Variants in OSBPL6 observed in about 807,000 individuals in gnomAD.
OSBPL6 encodes oxysterol binding protein like 6, also known as oxysterol-binding protein-related protein 6.
Under a neutral mutation model 125.8 loss-of-function variants are expected in OSBPL6, and 49 were observed. The ratio of observed to expected loss-of-function variants is 0.39; its 90% CI spans 0.31 to 0.49. OSBPL6 has a LOEUF of 0.49. OSBPL6 is among the 20% of genes least tolerant of loss of function. The probability of loss-of-function intolerance (pLI) is 0.88; values close to 1 mark genes in which losing one functional copy is unlikely to be tolerated. For synonymous variants in OSBPL6, 394 were observed against 391.8 expected, an observed-to-expected ratio of 1.01 and a Z score of -0.07; for missense variants, 986 against 1,135.4, an observed-to-expected ratio of 0.87 and a Z score of 1.89.
intron 1 of OSBPL6, among the ~76,000 whole-genome samples, chr2:178,266,745 A>G (rs10165408): frequency 3.9e-4 from 60 of 152,354 alleles, no homozygotes; most frequent in African/African-American, 1.4e-3. Flanking sequence ...AAATTATGAA[A>G]CTAAAGCAAT....
At position 178,310,301 on chromosome 2, in the gene OSBPL6, C is replaced by G. The variant is rs1016041403; in HGVS notation, c.102+4015C>G. Reference sequence around the variant, plus strand: ...AGCATTTGGATTTGTAATTTCTGATCCTGGATGTCAGTAGGTCAGTCAGTA... The same window carrying G: ...AGCATTTGGATTTGTAATTTCTGATGCTGGATGTCAGTAGGTCAGTCAGTA... On this transcript the variant is annotated intron_variant, in intron 3 of 24. Coordinates refer to ENST00000190611, the MANE Select transcript of OSBPL6 (RefSeq NM_032523.4). Among the ~76,000 whole-genome samples, 19 of 152,106 alleles carry G rather than the reference C, an allele frequency of 1.2e-4. 1 individual carries two copies. Among genetic ancestry groups the G allele is most frequent in the African/African-American group, 4.6e-4 (19 of 41,462 alleles).
At chr2:178,284,767 T>C (rs77831770) in intron 1 of OSBPL6, among the ~76,000 whole-genome samples, 160 bp from the exon 2 acceptor site, 2,027 of 152,284 alleles carry the variant, frequency 0.013, 31 homozygotes, top group East Asian at 0.067. Context: ...TACATAAAAC[T>C]GAACAAAGGA....
chr2:178,336,460 G>A, intron 9 of OSBPL6, 27 bp downstream of exon 9: 2 of 1,608,990 alleles, frequency 1.2e-6, no homozygotes, highest in Non-Finnish European at 1.7e-6. Flanking sequence ...TGTGGCCTGA[G>A]AGTAAGCCAA....
In OSBPL6 at chr2:178,315,854, A is replaced by C. The variant is rs555131677; in HGVS notation, c.103-8323A>C. Among the ~76,000 whole-genome samples, 3 of 152,260 alleles carry C rather than the reference A, an allele frequency of 2.0e-5. No individual in the cohort carries two copies. The South Asian group carries it at 6.2e-4, about 32-fold the overall frequency. ...AAGCCACCCCAGGAGACTGTTATTC[A>C]CTCAGTTTTGGAAATGATCACTTTA... is the stretch of plus-strand genomic sequence containing the variant. On this transcript the variant is annotated intron_variant, in intron 3 of 24. Transcript: ENST00000190611.
chr2:178,364,121 G>A (rs145972523), intron 13 of OSBPL6, among the ~76,000 whole-genome samples: 22 of 152,200 alleles, frequency 1.4e-4, no homozygotes, highest in African/African-American at 2.7e-4. Flanking sequence ...TGGTTAGGCC[G>A]TTGGAGAGGT....
intron 12 of OSBPL6, among the ~76,000 whole-genome samples, chr2:178,358,005 G>C (rs938578723): frequency 3.3e-5 from 5 of 152,170 alleles, no homozygotes; most frequent in African/African-American, 1.2e-4. Flanking sequence ...TACACCACCT[G>C]TTCTCACTCA....
chr2:178,301,592 C>T (rs578148157), intron 2 of OSBPL6, among the ~76,000 whole-genome samples: 52 of 152,264 alleles, frequency 3.4e-4, no homozygotes, highest in Middle Eastern at 3.4e-3. Context: ...TACTTTTAAT[C>T]TTTTCCTATA....
At chr2:178,210,594 G>T (rs1453048142) in intron 1 of OSBPL6, among the ~76,000 whole-genome samples, 1 of 151,896 alleles carries the variant, frequency 6.6e-6, no homozygotes, top group East Asian at 1.9e-4. Context: ...ATCACTTGAG[G>T]TCAGGGGTTT....
At chr2:178,255,416 C>T (rs1243707062) in intron 1 of OSBPL6, among the ~76,000 whole-genome samples, 2 of 152,236 alleles carry the variant, frequency 1.3e-5, no homozygotes, top group African/African-American at 4.8e-5. Flanking sequence ...ATCACGAGAA[C>T]AGCATGGGAA....
chr2:178,239,592 TTTTA>T (rs80019586), intron 1 of OSBPL6, among the ~76,000 whole-genome samples: 64,609 of 138,328 alleles, frequency 0.47, 15,161 homozygotes, highest in South Asian at 0.5. Flanking sequence ...ATGAACTTTA[TTTTA>T]TTTATTTATT....
At chr2:178,254,408 A>G (rs1197001052) in intron 1 of OSBPL6, among the ~76,000 whole-genome samples, 2 of 150,126 alleles carry the variant, frequency 1.3e-5, no homozygotes, top group East Asian at 3.9e-4. Flanking sequence ...AAAAAAAAAG[A>G]AAGAAAGAAA....
intron 1 of OSBPL6, among the ~76,000 whole-genome samples, chr2:178,250,630 T>G (rs2091658677): frequency 6.6e-6 from 1 of 152,214 alleles, no homozygotes; most frequent in Non-Finnish European, 1.5e-5. Flanking sequence ...CTGCACCGGC[T>G]GTTCCTCCTG....
chr2:178,301,540 T>G (rs934590938), intron 2 of OSBPL6, among the ~76,000 whole-genome samples: 2 of 152,230 alleles, frequency 1.3e-5, no homozygotes, highest in Admixed American at 1.3e-4. Context: ...AAGGGTTATC[T>G]CTCAGTGATG....
At chr2:178,299,770 G>C (rs1379186191) in intron 2 of OSBPL6, among the ~76,000 whole-genome samples, 1 of 152,186 alleles carries the variant, frequency 6.6e-6, no homozygotes, top group Non-Finnish European at 1.5e-5. Context: ...CAGATGTAGA[G>C]CTAAACAAAG....
chr2:178,293,946 C>T (rs1305094196), intron 2 of OSBPL6, among the ~76,000 whole-genome samples: 1 of 151,706 alleles, frequency 6.6e-6, no homozygotes, highest in Non-Finnish European at 1.5e-5. Context: ...AAAATTAACT[C>T]AAAATAGATC....
Position 178,223,037 on chromosome 2 carries a change from C to T in OSBPL6, c.-351+28363C>T, listed in dbSNP as rs944844331. On this transcript the variant is annotated intron_variant, in intron 1 of 24. Transcript: ENST00000190611. ...ATTTGGTGGACACATACGTTGTGTC[C>T]TATTTTTTTGTTGTTGCCATAAGCA... 3.3e-5 allele frequency among the ~76,000 whole-genome samples: 5 copies of T among 152,018 alleles called. No individual in the cohort carries two copies. In the East Asian group the frequency reaches 9.6e-4, roughly 29 times the overall value.
At chr2:178,261,238 A>C (rs972272038) in intron 1 of OSBPL6, among the ~76,000 whole-genome samples, 1 of 152,226 alleles carries the variant, frequency 6.6e-6, no homozygotes, top group Admixed American at 6.5e-5. Context: ...CTTTGGTATT[A>C]GAAATCAAAA....
At chr2:178,379,467 G>GA (rs1233150566) in intron 15 of OSBPL6, among the ~76,000 whole-genome samples, 12 of 147,190 alleles carry the variant, frequency 8.2e-5, no homozygotes, top group African/African-American at 1.0e-4. Context: ...GAGGGAAGGA[G>GA]AAAAAAAGAA....
At chr2:178,356,458 A>C (rs1691804904) in intron 12 of OSBPL6, among the ~76,000 whole-genome samples, 1 of 152,198 alleles carries the variant, frequency 6.6e-6, no homozygotes. Context: ...ACAAACAGAG[A>C]GCCAAATCAT....
Sources: allele counts gnomAD v4.1 joint callset (sites outside exome capture counted in the v4.1 genomes callset), GRCh38; gene constraint gnomAD v4.1.1; transcripts MANE v1.5; gene names NCBI Gene and HGNC (gene_info 2026-07-23, HGNC 2026-07-21).